The following SRGAP2 variants were observed in gnomAD, a reference collection of about 807,000 sequenced individuals.
The protein encoded by SRGAP2 is SLIT-ROBO Rho GTPase-activating protein 2.
In SRGAP2, 15 loss-of-function variants were observed where a neutral mutation model predicts 57.2. The observed-to-expected ratio is 0.26, with a 90% CI of 0.18 to 0.40. The LOEUF is 0.40. Ranked by LOEUF, SRGAP2 falls within the 10% of genes least tolerant of loss-of-function variation. SRGAP2 has a pLI of 1.00. For missense variants in SRGAP2, 520 were observed against 669.6 expected, an observed-to-expected ratio of 0.78 and a Z score of 2.47; for synonymous variants, 249 against 248.0, an observed-to-expected ratio of 1.00 and a Z score of -0.04.
chr1:206,260,670 G>A (rs1210398081), intron 2 of SRGAP2, among the ~76,000 whole-genome samples: 11 of 152,244 alleles, frequency 7.2e-5, no homozygotes, highest in African/African-American at 2.4e-4. Flanking sequence ...TTTCTCATTC[G>A]TATATCAGAG....
intron 5 of SRGAP2, among the ~76,000 whole-genome samples, chr1:206,388,287 A>G (rs1165187692): frequency 3.9e-5 from 6 of 152,174 alleles, no homozygotes; most frequent in African/African-American, 1.2e-4. Context: ...GCTACTTCAG[A>G]CTGGTATTTA....
chr1:206,365,293 T>C (rs1256991412), intron 4 of SRGAP2, among the ~76,000 whole-genome samples: 1 of 149,802 alleles, frequency 6.7e-6, no homozygotes, highest in East Asian at 2.0e-4. Context: ...TGCTCCAAAA[T>C]CTATAGAGGG....
At chr1:206,375,688 C>T (rs571190238) in intron 4 of SRGAP2, among the ~76,000 whole-genome samples, 10 of 151,926 alleles carry the variant, frequency 6.6e-5, no homozygotes, top group Non-Finnish European at 1.5e-4. Flanking sequence ...TCTTCCTGAC[C>T]CCACCCTGAA....
chr1:206,444,434 C>G (rs1241341411), intron 17 of SRGAP2, among the ~76,000 whole-genome samples: 1 of 152,198 alleles, frequency 6.6e-6, no homozygotes, highest in Non-Finnish European at 1.5e-5. Flanking sequence ...TCAGGACTCT[C>G]AGGACTAGAG....
chr1:206,446,809 T>C (rs1410188604), intron 18 of SRGAP2, among the ~76,000 whole-genome samples: 5 of 152,162 alleles, frequency 3.3e-5, no homozygotes, highest in Non-Finnish European at 7.4e-5. Flanking sequence ...TAAGCCTTGT[T>C]TTTGGCAGGT....
chr1:206,203,819 A>T (rs1379858842), intron 1 of SRGAP2, 169 bp downstream of exon 1: 3 of 1,528,554 alleles, frequency 2.0e-6, no homozygotes, highest in Admixed American at 4.0e-5. Flanking sequence ...ACCCTCTCCA[A>T]ATCTCCCAGT....
At chr1:206,446,544 T>C (rs1323991655) in intron 18 of SRGAP2, among the ~76,000 whole-genome samples, 4 of 152,236 alleles carry the variant, frequency 2.6e-5, no homozygotes, top group Non-Finnish European at 5.9e-5. Context: ...CTGAAAGATA[T>C]TGACAACATT....
At chr1:206,378,682 T>C (rs1243795176) in intron 4 of SRGAP2, among the ~76,000 whole-genome samples, 1 of 152,094 alleles carries the variant, frequency 6.6e-6, no homozygotes, top group Non-Finnish European at 1.5e-5. Flanking sequence ...TGTGTCTAGC[T>C]AAAGGATTGT....
intron 3 of SRGAP2, among the ~76,000 whole-genome samples, chr1:206,335,997 C>T (rs1225673888): frequency 2.6e-5 from 4 of 152,146 alleles, no homozygotes; most frequent in Admixed American, 6.5e-5. Flanking sequence ...TTCAGGAAAT[C>T]GTAAGCACTT....
intron 3 of SRGAP2, among the ~76,000 whole-genome samples, chr1:206,319,045 T>C (rs1186635350): frequency 6.6e-6 from 1 of 152,152 alleles, no homozygotes; most frequent in Non-Finnish European, 1.5e-5. Context: ...TAATGGGTTA[T>C]TGTTATGGGC....
chr1:206,372,979 TTC>T lies in SRGAP2; in HGVS notation c.424-11033_424-11032del, dbSNP rs1491212182. Reference sequence around the variant, plus strand: ...TCTTTTCTTTCCTTTCTTTCTTTCTTTCTTTCTTTCTTTCTTTCTTTCTTTCT... The same window carrying T: ...TCTTTTCTTTCCTTTCTTTCTTTCTTTTTCTTTCTTTCTTTCTTTCTTTCT... On this transcript the variant is annotated intron_variant, in intron 4 of 22. Coordinates refer to ENST00000573034, the MANE Select transcript of SRGAP2 (RefSeq NM_015326.5). Among the ~76,000 whole-genome samples the T allele has an allele frequency of 3.6e-4, 29 of 79,720 alleles. 3 individuals are homozygous for T. Among genetic ancestry groups the T allele is most frequent in the Non-Finnish European group, 6.0e-4 (25 of 41,380 alleles). 52.3% of individuals were successfully genotyped at this position (79,720 alleles called of 152,430 possible).
intron 2 of SRGAP2, among the ~76,000 whole-genome samples, chr1:206,239,067 A>G (rs1346398371): frequency 6.6e-6 from 1 of 151,862 alleles, no homozygotes; most frequent in Non-Finnish European, 1.5e-5. Flanking sequence ...AGAGAAGGCT[A>G]TGGTCTTTTG....
At chr1:206,222,670 CA>C (rs1213665683) in intron 2 of SRGAP2, among the ~76,000 whole-genome samples, 16 of 122,040 alleles carry the variant, frequency 1.3e-4, no homozygotes, top group East Asian at 2.3e-4. Context: ...ATCCTGTCTC[CA>C]AAAAAAAAAA....
At chr1:206,307,971 C>G (rs1173650251) in intron 3 of SRGAP2, among the ~76,000 whole-genome samples, 1 of 151,974 alleles carries the variant, frequency 6.6e-6, no homozygotes, top group Non-Finnish European at 1.5e-5. Flanking sequence ...GGGGAGGTGC[C>G]GAGAGCAAGC....
intron 4 of SRGAP2, among the ~76,000 whole-genome samples, chr1:206,369,255 A>G (rs1195258547): frequency 1.3e-5 from 2 of 152,234 alleles, no homozygotes; most frequent in Non-Finnish European, 2.9e-5. Flanking sequence ...AATTAACTCA[A>G]AATGGATCAA....
At chr1:206,353,498 T>C (rs1449791638) in intron 4 of SRGAP2, among the ~76,000 whole-genome samples, 1 of 151,820 alleles carries the variant, frequency 6.6e-6, no homozygotes, top group East Asian at 1.9e-4. Context: ...AATACAAAAA[T>C]TAGCTGGGCA....
chr1:206,226,108 GA>G (rs1553305460), intron 2 of SRGAP2, among the ~76,000 whole-genome samples: 2 of 149,026 alleles, frequency 1.3e-5, no homozygotes, highest in African/African-American at 5.0e-5. Context: ...AATAACTTTG[GA>G]ATGGGGAGAT....
rs145944810 is a variant in SRGAP2 at position 206,421,656 on chromosome 1, T to C, written c.1494+382T>C. On this transcript the variant is annotated intron_variant, in intron 13 of 22. Transcript: ENST00000573034. ...GCACCTAATTAGCTAGACCAGACAA[T>C]CTCGCTTTAAGTTGGCAGATTTTGT... 2.0e-5 allele frequency among the ~76,000 whole-genome samples: 3 copies of C among 152,328 alleles called. No homozygotes were observed. In the East Asian group the frequency reaches 5.8e-4, roughly 29 times the overall value.
chr1:206,340,929 C>G (rs1437924508), intron 3 of SRGAP2, among the ~76,000 whole-genome samples: 1 of 151,524 alleles, frequency 6.6e-6, no homozygotes, highest in Admixed American at 6.6e-5. Flanking sequence ...AGTGTTGTCA[C>G]AGTGATTGGC....
Sources: allele counts gnomAD v4.1 joint callset (sites outside exome capture counted in the v4.1 genomes callset), GRCh38; gene constraint gnomAD v4.1.1; transcripts MANE v1.5; gene names NCBI Gene and HGNC (gene_info 2026-07-23, HGNC 2026-07-21).